Variants in COL14A1 observed in about 807,000 individuals in gnomAD.
COL14A1 encodes collagen type XIV alpha 1 chain.
COL14A1 carries 136 observed loss-of-function variants against 230.3 expected under a neutral mutation model. The observed-to-expected ratio is 0.59, with a 90% confidence interval of 0.51 to 0.68. The LOEUF (loss-of-function observed/expected upper bound fraction) is 0.68, where lower values mean the gene tolerates loss of function less well. Among genes scored for constraint, COL14A1 ranks in the 30% least tolerant of loss-of-function variants. The pLI is 0.00. For missense variants in COL14A1, 1,976 were observed against 2,215.8 expected (o/e 0.89, Z 2.17); for synonymous variants, 792 against 784.1 (o/e 1.01, Z -0.17).
At chr8:120,365,533 A>G (rs989403286) in intron 45 of COL14A1, among the ~76,000 whole-genome samples, 5 of 152,236 alleles carry the variant, frequency 3.3e-5, no homozygotes, top group Non-Finnish European at 7.3e-5. Flanking sequence ...GCTAAAAACT[A>G]CAAACTCCGA....
At chr8:120,151,826 T>A (rs2130488530) in intron 2 of COL14A1, among the ~76,000 whole-genome samples, 1 of 152,022 alleles carries the variant, frequency 6.6e-6, no homozygotes, top group East Asian at 1.9e-4. Flanking sequence ...ATTTTCTGGG[T>A]GGGCCCAATG....
At chr8:120,221,803 A>G (rs1817943230) in intron 14 of COL14A1, among the ~76,000 whole-genome samples, 1 of 152,196 alleles carries the variant, frequency 6.6e-6, no homozygotes, top group Admixed American at 6.5e-5. Flanking sequence ...TTCCTTCGGA[A>G]AATAGTTGTA....
intron 16 of COL14A1, 151 bp from the exon 17 acceptor site, chr8:120,227,069 G>A (rs898520656): frequency 1.3e-6 from 1 of 786,256 alleles, no homozygotes; most frequent in African/African-American, 1.8e-5. Context: ...GGGATTGAAA[G>A]GAATAAAGTC....
At chr8:120,239,006 C>A (rs986129918) in intron 19 of COL14A1, among the ~76,000 whole-genome samples, 1 of 152,244 alleles carries the variant, frequency 6.6e-6, no homozygotes, top group African/African-American at 2.4e-5. Context: ...CACCCGCCTT[C>A]TGCATTGGTC....
intron 45 of COL14A1, among the ~76,000 whole-genome samples, chr8:120,365,285 C>T (rs566909347): frequency 4.4e-4 from 67 of 152,112 alleles, no homozygotes; most frequent in Non-Finnish European, 8.2e-4. Flanking sequence ...TAGGAGCCAT[C>T]CTGTTAAAGA....
intron 26 of COL14A1, among the ~76,000 whole-genome samples, chr8:120,271,877 C>T (rs529197230): frequency 6.6e-6 from 1 of 151,460 alleles, no homozygotes; most frequent in South Asian, 2.1e-4. Context: ...AAAAAGATTA[C>T]CCCAACTGCT....
chr8:120,271,971 A>T (rs1276542108), intron 26 of COL14A1, among the ~76,000 whole-genome samples: 1 of 151,594 alleles, frequency 6.6e-6, no homozygotes, highest in Non-Finnish European at 1.5e-5. Flanking sequence ...CAGCAGAGTG[A>T]TCATGGTGGC....
At chr8:120,334,585 A>ACACAC (rs113923173) in intron 42 of COL14A1, among the ~76,000 whole-genome samples, 28,243 of 144,562 alleles carry the variant, frequency 0.2, 2,745 homozygotes, top group Admixed American at 0.24. Flanking sequence ...CACACACAAA[A>ACACAC]ACACACACAC....
chr8:120,125,998 G>C (rs1814321697), intron 1 of COL14A1, among the ~76,000 whole-genome samples: 1 of 152,184 alleles, frequency 6.6e-6, no homozygotes, highest in South Asian at 2.1e-4. Context: ...TGCTTCGTGC[G>C]TTTTGCTTTG....
At chr8:120,313,907 A>T in intron 37 of COL14A1, 25 bp from the exon 38 acceptor site, 1 of 1,490,022 alleles carries the variant, frequency 6.7e-7, no homozygotes, top group East Asian at 2.3e-5. Context: ...TACTTTTAGG[A>T]TGATACTTCT....
At chr8:120,359,184 C>G (rs1385569973) in intron 45 of COL14A1, among the ~76,000 whole-genome samples, 3 of 151,880 alleles carry the variant, frequency 2.0e-5, no homozygotes, top group African/African-American at 7.3e-5. Flanking sequence ...GGTTTTAATC[C>G]CCGCATGCAT....
chr8:120,184,289 C>G (rs1816576134), intron 5 of COL14A1, among the ~76,000 whole-genome samples: 1 of 150,606 alleles, frequency 6.6e-6, no homozygotes. Context: ...GAGTCTTGCT[C>G]TGTCGCCCAG....
chr8:120,172,797 C>A (rs773260068), intron 5 of COL14A1, among the ~76,000 whole-genome samples: 1 of 152,134 alleles, frequency 6.6e-6, no homozygotes, highest in Non-Finnish European at 1.5e-5. Context: ...TGTGAGGGTG[C>A]CTCCCTTACA....
At chr8:120,289,450 A>T (rs1450761175) in intron 33 of COL14A1, among the ~76,000 whole-genome samples, 158 bp from the exon 34 acceptor site, 4 of 152,192 alleles carry the variant, frequency 2.6e-5, no homozygotes, top group East Asian at 1.9e-4. Context: ...AATCATGGAG[A>T]TGATAAAAGT....
At chr8:120,361,388 A>G (rs1439229034) in intron 45 of COL14A1, among the ~76,000 whole-genome samples, 1 of 152,254 alleles carries the variant, frequency 6.6e-6, no homozygotes, top group African/African-American at 2.4e-5. Flanking sequence ...ATCTTAGCAT[A>G]AAGCATGGAG....
At chr8:120,270,308 A>G in intron 26 of COL14A1, 134 bp downstream of exon 26, 1 of 928,002 alleles carries the variant, frequency 1.1e-6, no homozygotes, top group Non-Finnish European at 1.5e-6. Context: ...AAGGATAGAC[A>G]GGTATGTGTT....
intron 5 of COL14A1, among the ~76,000 whole-genome samples, chr8:120,190,585 C>T (rs1028474855): frequency 6.6e-6 from 1 of 152,128 alleles, no homozygotes; most frequent in Non-Finnish European, 1.5e-5. Context: ...AATGGTAATG[C>T]CTAGGTTTTC....
chr8:120,216,905 T>C (rs1161768890), intron 14 of COL14A1, among the ~76,000 whole-genome samples: 1 of 152,198 alleles, frequency 6.6e-6, no homozygotes, highest in Non-Finnish European at 1.5e-5. Context: ...AAGTAGAAGC[T>C]GTACCACCAT....
At chr8:120,189,130 T>C (rs1816735798) in intron 5 of COL14A1, among the ~76,000 whole-genome samples, 1 of 152,232 alleles carries the variant, frequency 6.6e-6, no homozygotes, top group Non-Finnish European at 1.5e-5. Flanking sequence ...AGGTATATGA[T>C]TATTGAACTT....
Sources: allele counts gnomAD v4.1 joint callset (sites outside exome capture counted in the v4.1 genomes callset), GRCh38; gene constraint gnomAD v4.1.1; transcripts MANE v1.5; gene names NCBI Gene and HGNC (gene_info 2026-07-23, HGNC 2026-07-21).